Variants in RCAN2 observed in about 807,000 individuals in gnomAD.
RCAN2 encodes the protein regulator of calcineurin 2, also known as calcipressin-2.
RCAN2 carries 9 observed loss-of-function variants against 23.6 expected under a neutral mutation model. The observed-to-expected ratio is 0.38, with a 90% CI of 0.23 to 0.67. The LOEUF (loss-of-function observed/expected upper bound fraction) is 0.67, where lower values mean the gene tolerates loss of function less well. RCAN2 is among the 30% of genes least tolerant of loss of function. RCAN2 has a pLI of 0.51. For synonymous variants in RCAN2, 109 were observed against 115.7 expected (o/e 0.94, Z 0.37); for missense variants, 273 against 302.3 (o/e 0.90, Z 0.72).
intron 2 of RCAN2, among the ~76,000 whole-genome samples, chr6:46,450,341 A>G (rs1590026): frequency 0.51 from 76,784 of 151,874 alleles, 19,885 homozygotes; most frequent in East Asian, 0.61. Flanking sequence ...ACACATTGTT[A>G]GTGGGAATGT....
At chr6:46,262,624 A>T (rs1360727507) in intron 2 of RCAN2, among the ~76,000 whole-genome samples, 6 of 152,130 alleles carry the variant, frequency 3.9e-5, no homozygotes, top group African/African-American at 1.2e-4. Context: ...AAAGCAAAAG[A>T]GAAAATTCTG....
intron 2 of RCAN2, among the ~76,000 whole-genome samples, chr6:46,449,136 G>C (rs1322860585): frequency 6.6e-6 from 1 of 151,716 alleles, no homozygotes; most frequent in African/African-American, 2.4e-5. Context: ...AAAGTTGTAG[G>C]ATACAAAACC....
intron 2 of RCAN2, among the ~76,000 whole-genome samples, chr6:46,426,850 A>T (rs1767046129): frequency 6.6e-6 from 1 of 152,254 alleles, no homozygotes; most frequent in Admixed American, 6.5e-5. Context: ...TCACACAGCT[A>T]GCAAGTGGTA....
intron 1 of RCAN2, among the ~76,000 whole-genome samples, chr6:46,457,964 G>A (rs1244251495): frequency 6.6e-6 from 1 of 152,094 alleles, no homozygotes; most frequent in Non-Finnish European, 1.5e-5. Context: ...ATAGTCCAAG[G>A]CTGGTATCTA....
At chr6:46,352,673 T>G (rs1329548464) in intron 2 of RCAN2, among the ~76,000 whole-genome samples, 2 of 152,110 alleles carry the variant, frequency 1.3e-5, no homozygotes, top group Non-Finnish European at 2.9e-5. Context: ...ATGGAACTCA[T>G]CTAAGTAAAA....
chr6:46,482,745 G>T (rs999373541), intron 1 of RCAN2, among the ~76,000 whole-genome samples: 13 of 152,280 alleles, frequency 8.5e-5, no homozygotes, highest in Middle Eastern at 3.4e-3. Context: ...GCCAGGAGAG[G>T]TTGTGAGGAC....
intron 1 of RCAN2, among the ~76,000 whole-genome samples, chr6:46,468,180 T>C (rs533989006): frequency 6.6e-6 from 1 of 152,352 alleles, no homozygotes; most frequent in East Asian, 1.9e-4. Flanking sequence ...TACCTTTACT[T>C]AATCTGTTCT....
Position 46,463,070 on chromosome 6 carries a change from G to A in RCAN2, c.-2-6092C>T, listed in dbSNP as rs114922481. 7.3e-3 allele frequency among the ~76,000 whole-genome samples: 1,116 copies of A among 152,278 alleles called. 11 individuals are homozygous for A. The highest frequency in any genetic ancestry group is 0.026 in the African/African-American group (1,064 of 41,550). On this transcript the variant is annotated intron_variant, in intron 1 of 4. Coordinates refer to ENST00000371374, the MANE Select transcript of RCAN2 (RefSeq NM_001251974.2). ...CCATCAAGTAAAATCAGTCAGTAGC[G>A]TGATGTGTGACCAGAAAGGGTTGGG...
intron 2 of RCAN2, among the ~76,000 whole-genome samples, chr6:46,414,399 G>A (rs938691235): frequency 6.6e-6 from 1 of 152,164 alleles, no homozygotes; most frequent in African/African-American, 2.4e-5. Context: ...AATGACAGAG[G>A]ACTTCTTAGA....
intron 2 of RCAN2, among the ~76,000 whole-genome samples, chr6:46,425,873 A>G (rs930684507): frequency 6.6e-6 from 1 of 151,300 alleles, no homozygotes; most frequent in African/African-American, 2.4e-5. Flanking sequence ...TTGTTCAGAT[A>G]GAGGCTAATT....
At chr6:46,360,268 C>CA (rs938183759) in intron 2 of RCAN2, among the ~76,000 whole-genome samples, 1 of 151,986 alleles carries the variant, frequency 6.6e-6, no homozygotes, top group African/African-American at 2.4e-5. Flanking sequence ...CGCTGTGGCT[C>CA]AAGCCTGTAA....
chr6:46,445,292 A>T (rs773208802), intron 2 of RCAN2, among the ~76,000 whole-genome samples: 2 of 152,156 alleles, frequency 1.3e-5, no homozygotes, highest in Non-Finnish European at 2.9e-5. Context: ...TCCAGGCTCC[A>T]GGCCTAACCC....
At chr6:46,447,126 G>A (rs1767735992) in intron 2 of RCAN2, among the ~76,000 whole-genome samples, 1 of 151,824 alleles carries the variant, frequency 6.6e-6, no homozygotes, top group Admixed American at 6.6e-5. Context: ...ATACTAAAAG[G>A]GAAGGGAGGG....
In RCAN2 at chr6:46,322,366, C is replaced by T. The variant is rs57200929; in HGVS notation, c.226-73470G>A. 4.2e-3 allele frequency among the ~76,000 whole-genome samples: 635 copies of T among 152,298 alleles called. 5 individuals are homozygous for T. Among genetic ancestry groups the T allele is most frequent in the African/African-American group, 0.015 (616 of 41,570 alleles). On this transcript the variant is annotated intron_variant, in intron 2 of 4. Transcript: ENST00000371374. ...GTTCACAACACCACCAATGGAATTT[C>T]CAGAGAAAGCCAAATATGGCAGAAT...
intron 2 of RCAN2, among the ~76,000 whole-genome samples, chr6:46,372,853 C>T (rs1765357833): frequency 6.6e-6 from 1 of 152,124 alleles, no homozygotes; most frequent in South Asian, 2.1e-4. Flanking sequence ...TAGTATTCTC[C>T]CCAAGAACAT....
intron 2 of RCAN2, among the ~76,000 whole-genome samples, chr6:46,426,110 G>T (rs796392663): frequency 3.4e-4 from 51 of 151,742 alleles, no homozygotes; most frequent in African/African-American, 1.2e-3. Context: ...TGTTGGTCAG[G>T]CTGGTCTCAA....
At chr6:46,329,293 C>T (rs140474893) in intron 2 of RCAN2, among the ~76,000 whole-genome samples, 1 of 152,270 alleles carries the variant, frequency 6.6e-6, no homozygotes, top group African/African-American at 2.4e-5. Flanking sequence ...ATTGTGTGCA[C>T]ATTTTTACAC....
intron 2 of RCAN2, among the ~76,000 whole-genome samples, chr6:46,321,547 T>C (rs974497804): frequency 6.6e-6 from 1 of 152,220 alleles, no homozygotes; most frequent in African/African-American, 2.4e-5. Flanking sequence ...TGGATGCCCA[T>C]GGAGACAAGG....
chr6:46,324,036 A>T (rs1013815518), intron 2 of RCAN2, among the ~76,000 whole-genome samples: 4 of 152,234 alleles, frequency 2.6e-5, no homozygotes, highest in Admixed American at 2.0e-4. Context: ...TTACTGGAAG[A>T]TGTCTCTCTA....
Sources: gnomAD v4.1 joint callset for allele counts (sites outside exome capture counted in the v4.1 genomes callset) on GRCh38, gnomAD v4.1.1 for gene constraint, MANE v1.5 for transcripts, NCBI Gene and HGNC (gene_info 2026-07-23, HGNC 2026-07-21) for gene names.